RGL1: variants seen among roughly 807,000 people sequenced by gnomAD.
RGL1 encodes the protein ral guanine nucleotide dissociation stimulator like 1.
RGL1 carries 24 observed loss-of-function variants against 95.2 expected under a neutral mutation model. The observed-to-expected ratio is 0.25, with a 90% CI of 0.18 to 0.35. RGL1 has a LOEUF of 0.35. RGL1 is among the 10% of genes least tolerant of loss of function. The pLI, the probability that RGL1 is intolerant of heterozygous loss-of-function variation, is 1.00. For synonymous variants in RGL1, 329 were observed against 344.9 expected (o/e 0.95, Z 0.51); for missense variants, 715 against 936.3 (o/e 0.76, Z 3.08).
intron 2 of RGL1, among the ~76,000 whole-genome samples, chr1:183,784,457 C>T (rs1660052882): frequency 6.6e-6 from 1 of 152,206 alleles, no homozygotes; most frequent in African/African-American, 2.4e-5. Flanking sequence ...AGAAGCTGGG[C>T]CCCAGCCCCA....
chr1:183,836,530 A>G (rs1051847652), intron 2 of RGL1, among the ~76,000 whole-genome samples: 26 of 152,052 alleles, frequency 1.7e-4, no homozygotes, highest in African/African-American at 6.3e-4. Flanking sequence ...AGGCCTTCCA[A>G]AGTGCGGGAA....
In RGL1 at chr1:183,808,388, C is replaced by T. The variant is rs138140536; in HGVS notation, c.138+1903C>T. On this transcript the variant is annotated intron_variant, in intron 2 of 17. Coordinates refer to ENST00000360851, the MANE Select transcript of RGL1 (RefSeq NM_001297671.3). ...AGTTGATGGAGGAATCTGTCCCCCT[C>T]GCCCCCATTTCAACAAAGTGTGATT... 1.6e-3 allele frequency among the ~76,000 whole-genome samples: 249 copies of T among 152,306 alleles called. 1 individual carries two copies. Among genetic ancestry groups the T allele is most frequent in the Middle Eastern group, 0.01 (3 of 294 alleles).
At position 183,847,779 on chromosome 1, in the gene RGL1, G is replaced by T; in HGVS notation, c.347+5G>T. 6.2e-7 allele frequency: 1 copy of T among 1,610,436 alleles called. No individual in the cohort carries two copies. The highest frequency in any genetic ancestry group is 8.5e-7 in the Non-Finnish European group (1 of 1,177,400). On this transcript the variant is annotated splice_donor_5th_base_variant and intron_variant, in intron 3 of 17. Coordinates refer to ENST00000360851, the MANE Select transcript of RGL1 (RefSeq NM_001297671.3). Reference sequence around the variant, plus strand: ...GCTGGAACTACTGCTGGACAGGTAAGAATGTAAAGGAGCTTTTGAGTTGAA... The same window carrying T: ...GCTGGAACTACTGCTGGACAGGTAATAATGTAAAGGAGCTTTTGAGTTGAA...
intron 1 of RGL1, among the ~76,000 whole-genome samples, chr1:183,710,903 C>T (rs1655223936): frequency 6.6e-6 from 1 of 152,162 alleles, no homozygotes; most frequent in Non-Finnish European, 1.5e-5. Flanking sequence ...GGCAAAAATC[C>T]CTTGCTTATC....
chr1:183,647,926 C>T, intron 1 of RGL1: 1 of 1,614,150 alleles, frequency 6.2e-7, no homozygotes, highest in East Asian at 2.2e-5. Flanking sequence ...GCCCTGAGGT[C>T]TGGAGGTAGG....
In RGL1 at chr1:183,679,506, G is replaced by A. The variant is rs548676153; in HGVS notation, c.-33+43005G>A. Among the ~76,000 whole-genome samples the A allele has an allele frequency of 4.7e-5, 7 of 148,178 alleles. No individual in the cohort carries two copies. The South Asian group carries it at 1.3e-3, about 27-fold the overall frequency. ...GCGGCGTTCAGTTTTCTGTTCCTGT[G>A]TTAGTTTGCTGAGAATGAGAATGAG... On this transcript the variant is annotated intron_variant, in intron 1 of 18. Coordinates refer to the RGL1 transcript ENST00000304685.
intron 1 of RGL1, among the ~76,000 whole-genome samples, chr1:183,679,879 T>G (rs1223840256): frequency 6.6e-6 from 1 of 152,198 alleles, no homozygotes; most frequent in Non-Finnish European, 1.5e-5. Flanking sequence ...CAGCATGTGT[T>G]GTTTCCTGAC....
intron 1 of RGL1, among the ~76,000 whole-genome samples, chr1:183,731,964 C>T (rs754971076): frequency 1.3e-5 from 2 of 152,206 alleles, no homozygotes; most frequent in Non-Finnish European, 2.9e-5. Context: ...ATCTTTGTTT[C>T]GCCCTGCCCC....
At chr1:183,664,426 T>G (rs1169307792) in intron 1 of RGL1, among the ~76,000 whole-genome samples, 1 of 152,102 alleles carries the variant, frequency 6.6e-6, no homozygotes, top group Non-Finnish European at 1.5e-5. Context: ...ATGCATCATA[T>G]CTGTACTAGT....
chr1:183,678,056 G>T (rs1394552503), intron 1 of RGL1, among the ~76,000 whole-genome samples: 14 of 152,188 alleles, frequency 9.2e-5, no homozygotes, highest in Non-Finnish European at 4.4e-5. Flanking sequence ...CCATAAAGAT[G>T]AAACTATTAA....
intron 3 of RGL1, among the ~76,000 whole-genome samples, chr1:183,860,320 A>G (rs180869885): frequency 2.0e-5 from 3 of 152,154 alleles, no homozygotes; most frequent in Non-Finnish European, 4.4e-5. Flanking sequence ...TTTATTGTCT[A>G]CTTTGTGCAG....
chr1:183,696,564 C>G lies in RGL1; in HGVS notation c.-32-45562C>G, dbSNP rs146032398. 2.0e-3 allele frequency among the ~76,000 whole-genome samples: 302 copies of G among 152,288 alleles called. 3 individuals are homozygous for G. The highest frequency in any genetic ancestry group is 6.5e-3 in the African/African-American group (269 of 41,564). ...ATCTGATGCATTTTCATGACCTTAACTCCATCTATATATTGACAACTCCCA... is the reference window on the plus strand; with the variant it reads ...ATCTGATGCATTTTCATGACCTTAAGTCCATCTATATATTGACAACTCCCA... On this transcript the variant is annotated intron_variant, in intron 1 of 18. Coordinates refer to the RGL1 transcript ENST00000304685.
chr1:183,799,009 T>C (rs1434863060), intron 2 of RGL1, among the ~76,000 whole-genome samples: 1 of 151,596 alleles, frequency 6.6e-6, no homozygotes, highest in Non-Finnish European at 1.5e-5. Flanking sequence ...GGTTTGCCAT[T>C]CTCCTGCCTC....
At chr1:183,866,448 C>T (rs9425325) in intron 4 of RGL1, among the ~76,000 whole-genome samples, 19,405 of 152,106 alleles carry the variant, frequency 0.13, 1,350 homozygotes, top group Non-Finnish European at 0.16. Flanking sequence ...GTAGGGTGCC[C>T]GGATTGGGCT....
chr1:183,779,619 C>A (rs1055281819), intron 2 of RGL1, among the ~76,000 whole-genome samples: 1 of 152,002 alleles, frequency 6.6e-6, no homozygotes, highest in Non-Finnish European at 1.5e-5. Context: ...AGATGACTCT[C>A]GATGCTAATT....
chr1:183,876,422 C>T (rs1405974563), intron 4 of RGL1, among the ~76,000 whole-genome samples: 1 of 152,368 alleles, frequency 6.6e-6, no homozygotes, highest in Non-Finnish European at 1.5e-5. Context: ...GTTGTCTCCT[C>T]TGCTATCAGT....
At position 183,885,710 on chromosome 1, in the gene RGL1, G is replaced by A. The variant is rs571010810; in HGVS notation, c.951+772G>A. 2.0e-3 allele frequency among the ~76,000 whole-genome samples: 303 copies of A among 152,302 alleles called. 1 individual carries two copies. The highest frequency in any genetic ancestry group is 7.1e-3 in the African/African-American group (295 of 41,566). On this transcript the variant is annotated intron_variant, in intron 7 of 17. Transcript: ENST00000360851. ...ATTCTGTACTTAGGGGACATACTAG[G>A]ATAGAGCATAATTATTTGTTTGCAG...
chr1:183,780,585 G>A (rs1401937888), intron 2 of RGL1, among the ~76,000 whole-genome samples: 1 of 152,070 alleles, frequency 6.6e-6, no homozygotes, highest in African/African-American at 2.4e-5. Context: ...ATTACCATCA[G>A]GTAGGAAAAA....
chr1:183,908,726 C>A (rs1668481898), intron 14 of RGL1, among the ~76,000 whole-genome samples: 1 of 152,190 alleles, frequency 6.6e-6, no homozygotes, highest in African/African-American at 2.4e-5. Context: ...ACTCTGCTCA[C>A]TGAGGCAGCA....
Sources: gnomAD v4.1 joint callset for allele counts (sites outside exome capture counted in the v4.1 genomes callset) on GRCh38, gnomAD v4.1.1 for gene constraint, MANE v1.5 for transcripts, NCBI Gene and HGNC (gene_info 2026-07-23, HGNC 2026-07-21) for gene names.